LMNTD1: variants seen among roughly 807,000 people sequenced by gnomAD.
The protein encoded by LMNTD1 is lamin tail domain containing 1.
Under a neutral mutation model 50.9 loss-of-function variants are expected in LMNTD1, and 35 were observed. That is an observed-to-expected ratio of 0.69 (90% CI 0.53 to 0.91). LMNTD1 has a LOEUF of 0.91. LMNTD1 is among the 40% of genes least tolerant of loss of function. The probability of loss-of-function intolerance (pLI) is 0.00; values close to 1 mark genes in which losing one functional copy is unlikely to be tolerated. For synonymous variants in LMNTD1, 153 were observed against 161.9 expected (o/e 0.94, Z 0.42); for missense variants, 470 against 475.5 (o/e 0.99, Z 0.11).
At chr12:25,608,511 C>T (rs565761370) in intron 1 of LMNTD1, among the ~76,000 whole-genome samples, 1 of 152,284 alleles carries the variant, frequency 6.6e-6, no homozygotes, top group East Asian at 1.9e-4. Context: ...TTCAGGAGCT[C>T]TTGTAAGGCA....
upstream of LMNTD1, among the ~76,000 whole-genome samples, chr12:25,553,512 A>G (rs554541317): frequency 6.6e-6 from 1 of 152,286 alleles, no homozygotes; most frequent in Middle Eastern, 3.4e-3. Flanking sequence ...GCCAGTATGT[A>G]CATACTGGGG....
intron 1 of LMNTD1, among the ~76,000 whole-genome samples, chr12:25,632,842 T>C (rs1946749441): frequency 6.6e-6 from 1 of 152,166 alleles, no homozygotes; most frequent in South Asian, 2.1e-4. Context: ...TGAATGTAAA[T>C]GGCCTAAATA....
chr12:25,552,574 T>A (rs1943821051), intron 2 of LMNTD1, among the ~76,000 whole-genome samples: 1 of 34,662 alleles, frequency 2.9e-5, no homozygotes, highest in Non-Finnish European at 1.1e-4. Context: ...GCCACTGCAC[T>A]CTGTCTGAAA....
At chr12:25,637,676 T>C (rs1946864217) in intron 1 of LMNTD1, among the ~76,000 whole-genome samples, 1 of 152,074 alleles carries the variant, frequency 6.6e-6, no homozygotes, top group Admixed American at 6.5e-5. Flanking sequence ...CATATTATAT[T>C]CAATATATAA....
At chr12:25,582,787 A>G (rs1319397586) in intron 1 of LMNTD1, among the ~76,000 whole-genome samples, 2 of 152,198 alleles carry the variant, frequency 1.3e-5, no homozygotes. Context: ...CTAACTACGA[A>G]ATGCACACCA....
At chr12:25,503,375 T>A (rs193123048) in intron 9 of LMNTD1, among the ~76,000 whole-genome samples, 26 of 152,332 alleles carry the variant, frequency 1.7e-4, no homozygotes, top group Admixed American at 4.6e-4. Context: ...ATGTAATTAA[T>A]ACTCTCTTGC....
rs528151431 is a variant in LMNTD1 at position 25,541,330 on chromosome 12, T to C, written c.491+5044A>G. Among the ~76,000 whole-genome samples the C allele has an allele frequency of 2.1e-4, 31 of 145,728 alleles. No individual in the cohort carries two copies. The East Asian group carries it at 5.7e-3, about 27-fold the overall frequency. On this transcript the variant is annotated intron_variant, in intron 4 of 9. Coordinates refer to ENST00000458174, the MANE Select transcript of LMNTD1 (RefSeq NM_001145728.2). ...CACACTACCTGACTTCAAACTATAC[T>C]ACAAGGCTACCAAAACAGCATGGTA...
At chr12:25,551,069 A>G (rs2136248739) in intron 2 of LMNTD1, among the ~76,000 whole-genome samples, 1 of 152,312 alleles carries the variant, frequency 6.6e-6, no homozygotes, top group South Asian at 2.1e-4. Context: ...CAGATATTTC[A>G]TCTGTGTTCA....
At chr12:25,498,375 A>C (rs1939184823) in intron 9 of LMNTD1, among the ~76,000 whole-genome samples, 1 of 152,174 alleles carries the variant, frequency 6.6e-6, no homozygotes, top group Non-Finnish European at 1.5e-5. Context: ...ATTTTAGATA[A>C]GTGTAGGCAG....
chr12:25,512,225 GT>G (rs1386904547), intron 8 of LMNTD1, among the ~76,000 whole-genome samples: 1 of 152,210 alleles, frequency 6.6e-6, no homozygotes, highest in Admixed American at 6.5e-5. Flanking sequence ...CTACAGCTGA[GT>G]TTTTTGAGCT....
chr12:25,492,174 A>AT (rs1938906768), intron 9 of LMNTD1, among the ~76,000 whole-genome samples: 1 of 152,324 alleles, frequency 6.6e-6, no homozygotes, highest in African/African-American at 2.4e-5. Flanking sequence ...TTATGAACAC[A>AT]TTTTTTCAAA....
At chr12:25,539,533 A>C (rs1364079509) in intron 4 of LMNTD1, among the ~76,000 whole-genome samples, 1 of 151,896 alleles carries the variant, frequency 6.6e-6, no homozygotes, top group Admixed American at 6.6e-5. Flanking sequence ...CAACGAGAAC[A>C]AAGACACAAC....
At chr12:25,508,846 T>C (rs934136934) in intron 8 of LMNTD1, among the ~76,000 whole-genome samples, 2 of 152,174 alleles carry the variant, frequency 1.3e-5, no homozygotes, top group African/African-American at 4.8e-5. Context: ...TTAGGAGTTT[T>C]GCAAATATCA....
chr12:25,477,090 A>T (rs1938292832), intron 9 of LMNTD1, among the ~76,000 whole-genome samples: 1 of 152,216 alleles, frequency 6.6e-6, no homozygotes, highest in Admixed American at 6.5e-5. Context: ...ACCTCCTGAA[A>T]GCAGATGAGA....
upstream of LMNTD1, among the ~76,000 whole-genome samples, chr12:25,556,135 G>T (rs1944033410): frequency 6.6e-6 from 1 of 152,014 alleles, no homozygotes; most frequent in Admixed American, 6.5e-5. Flanking sequence ...ACCACGCCCG[G>T]CCAATTTTTG....
chr12:25,516,692 T>C (rs73298424), intron 8 of LMNTD1, among the ~76,000 whole-genome samples: 14,670 of 151,966 alleles, frequency 0.097, 1,164 homozygotes, highest in African/African-American at 0.21. Context: ...AGCTACATGG[T>C]ACACAATTTT....
intron 1 of LMNTD1, among the ~76,000 whole-genome samples, chr12:25,564,831 T>A (rs1944486190): frequency 6.6e-6 from 1 of 152,174 alleles, no homozygotes; most frequent in African/African-American, 2.4e-5. Flanking sequence ...TGGGGTGAAG[T>A]CTCTAGCTAT....
At chr12:25,534,275 A>C (rs1166200511) in intron 4 of LMNTD1, among the ~76,000 whole-genome samples, 1 of 152,234 alleles carries the variant, frequency 6.6e-6, no homozygotes, top group Non-Finnish European at 1.5e-5. Context: ...GCCTAGATGA[A>C]GTTACAAGAA....
intron 1 of LMNTD1, among the ~76,000 whole-genome samples, chr12:25,621,186 A>T (rs1346477640): frequency 6.6e-6 from 1 of 152,226 alleles, no homozygotes; most frequent in Non-Finnish European, 1.5e-5. Flanking sequence ...TAATAACCGC[A>T]TCTATTAACA....
Sources: gnomAD v4.1 joint callset for allele counts (sites outside exome capture counted in the v4.1 genomes callset) on GRCh38, gnomAD v4.1.1 for gene constraint, MANE v1.5 for transcripts, NCBI Gene and HGNC (gene_info 2026-07-23, HGNC 2026-07-21) for gene names.